Variants in KRT77 observed in about 807,000 individuals in gnomAD.
KRT77 encodes the protein keratin, type II cytoskeletal 1b.
In KRT77, 44 loss-of-function variants were observed where a neutral mutation model predicts 51.5. The observed-to-expected ratio is 0.85, with a 90% CI of 0.67 to 1.10. The LOEUF is 1.10. KRT77 is among the 50% of genes least tolerant of loss of function. The pLI is 0.00. For missense variants in KRT77, 763 were observed against 743.9 expected (o/e 1.03, Z -0.30); for synonymous variants, 293 against 302.0 (o/e 0.97, Z 0.31).
chr12:52,700,972 G>A lies in KRT77; in HGVS notation c.543+1920C>T, dbSNP rs150355053. On this transcript the variant is annotated intron_variant, in intron 1 of 8. Transcript: ENST00000341809. ...TAGAAGCCTTCTTCCTTCCAGCCAG[G>A]CCACAGCCCACCTGGCTGAGAAGCC... 2.1e-4 allele frequency among the ~76,000 whole-genome samples: 32 copies of A among 152,306 alleles called. No individual in the cohort carries two copies. The East Asian group carries it at 5.8e-3, about 28-fold the overall frequency.
chr12:52,703,286 C>T lies in KRT77; in HGVS notation c.149G>A (p.Gly50Glu), dbSNP rs780448859. The change falls in exon 1 of 9, where the codon GGG (glycine) becomes GAG (glutamate). Residue 50 changes from glycine (G) to glutamate (E), a missense_variant. Coordinates refer to ENST00000341809, the MANE Select transcript of KRT77 (RefSeq NM_175078.3). ...AGAGCCAAACCCCCTTCCATGGATC[C>T]CATATCCACCACCACCACACCTCCC... ...ARGRCGGGGY[G>E]IHGRGFGSRS... 1.2e-6 allele frequency: 2 copies of T among 1,614,026 alleles called. No homozygotes were observed. The highest frequency in any genetic ancestry group is 2.2e-5 in the South Asian group (2 of 91,048).
At chr12:52,701,353 G>A (rs902445699) in intron 1 of KRT77, among the ~76,000 whole-genome samples, 5 of 152,274 alleles carry the variant, frequency 3.3e-5, no homozygotes, top group Admixed American at 2.6e-4. Flanking sequence ...GCTCCTCTTC[G>A]GCAGCCTCTG....
chr12:52,694,812 C>A (rs778282857), intron 4 of KRT77, 22 bp from the exon 5 acceptor site: 2 of 1,579,710 alleles, frequency 1.3e-6, no homozygotes, highest in Admixed American at 1.7e-5. Flanking sequence ...GGCGCACAGG[C>A]TGACTCCTTC....
intron 1 of KRT77, among the ~76,000 whole-genome samples, chr12:52,699,527 C>T (rs1233920299): frequency 6.6e-6 from 1 of 152,228 alleles, no homozygotes; most frequent in Non-Finnish European, 1.5e-5. Flanking sequence ...GTCCCACCAG[C>T]AAAACTCAAG....
Position 52,703,460 on chromosome 12 carries a change from G to T in KRT77, c.-26C>A, listed in dbSNP as rs1161178784. ...GTTTGCTGGAGCATCCAGAGAAGCA[G>T]GCAAGAGAAAGAGCCTGGCAGGAAG... On this transcript the variant is annotated 5_prime_UTR_variant, in exon 1 of 9. In the 5' UTR this introduces an upstream ATG that the reference lacks. Coordinates refer to ENST00000341809, the MANE Select transcript of KRT77 (RefSeq NM_175078.3). 6.5e-7 allele frequency: 1 copy of T among 1,540,572 alleles called. No homozygotes were observed. Among genetic ancestry groups the T allele is most frequent in the Non-Finnish European group, 8.7e-7 (1 of 1,143,024 alleles).
At chr12:52,691,866 G>T in intron 8 of KRT77, 72 bp downstream of exon 8, 1 of 1,580,246 alleles carries the variant, frequency 6.3e-7, no homozygotes, top group Non-Finnish European at 8.7e-7. Context: ...TCCGTTCTCT[G>T]CTGGCCACCT....
At position 52,703,222 on chromosome 12, in the gene KRT77, G is replaced by A; in HGVS notation, c.213C>T (p.Ser71=). Residue 71 remains serine, a synonymous_variant, in exon 1 of 9, where the codon TCC becomes TCT. Transcript: ENST00000341809. The part of the protein sequence containing the change: ...LYNLGGSRSI[S]INLMGRSTSG... ...TGGTGCTCCTCCCCATTAGATTAATGGAGATGCTTCTACTGCCACCCAGAT... is the reference window on the plus strand; with the variant it reads ...TGGTGCTCCTCCCCATTAGATTAATAGAGATGCTTCTACTGCCACCCAGAT... 6.2e-7 allele frequency: 1 copy of A among 1,611,310 alleles called. No homozygotes were observed. The highest frequency in any genetic ancestry group is 8.5e-7 in the Non-Finnish European group (1 of 1,179,508).
At position 52,703,057 on chromosome 12, in the gene KRT77, GC is replaced by G. The variant is rs758033935; in HGVS notation, c.377del (p.Gly126AlafsTer14). 1 of 1,613,788 alleles carries G rather than the reference GC, an allele frequency of 6.2e-7. No homozygotes were observed. The highest frequency in any genetic ancestry group is 2.2e-5 in the East Asian group (1 of 44,850). Reference protein sequence around the residue: ...GFGTSNFGLGGFGPYCPPGGI... With the variant: ...GFGTSNFGLGXFGPYCPPGGI... The stretch of plus-strand genomic sequence containing the variant: ...CCCCAGGAGGACAATAAGGACCAAA[GC>G]CCCCAAGCCCAAAATTGCTAGTCCC... On this transcript the variant is annotated frameshift_variant, in exon 1 of 9. Transcript: ENST00000341809. LOFTEE classifies it high-confidence loss of function.
chr12:52,695,681 T>G, intron 4 of KRT77, 91 bp downstream of exon 4: 1 of 651,084 alleles, frequency 1.5e-6, no homozygotes, highest in Non-Finnish European at 2.4e-6. Context: ...AGTGGGACCC[T>G]AGTGTTGGGT....
In KRT77 at chr12:52,692,643, T is replaced by G. The variant is rs774962330; in HGVS notation, c.1207-2A>C. 3.1e-5 allele frequency: 49 copies of G among 1,563,994 alleles called. 3 individuals carry two copies. The highest frequency in any genetic ancestry group is 4.1e-5 in the Non-Finnish European group (47 of 1,141,372). ...AATGAGTGACTGCATCTGTTCAATC[T>G]GCTCCAGAGACAGTTGGAGACCATT... On this transcript the variant is annotated splice_acceptor_variant, in intron 6 of 8. Coordinates refer to ENST00000341809, the MANE Select transcript of KRT77 (RefSeq NM_175078.3). LOFTEE classifies it high-confidence loss of function.
intron 1 of KRT77, among the ~76,000 whole-genome samples, chr12:52,700,338 G>C (rs1941868675): frequency 6.6e-6 from 1 of 152,208 alleles, no homozygotes; most frequent in South Asian, 2.1e-4. Context: ...CAGTGCCTCA[G>C]ATGGCTGCAG....
At chr12:52,693,114 G>T (rs1941741915) in intron 5 of KRT77, among the ~76,000 whole-genome samples, 1 of 150,634 alleles carries the variant, frequency 6.6e-6, no homozygotes, top group Admixed American at 6.6e-5. Flanking sequence ...CAGTCTCTGG[G>T]CAGACTCTCA....
rs1391062930 is a variant in KRT77 at position 52,692,598 on chromosome 12, CCT to C, written c.1248_1249del (p.Gly417ArgfsTer31). On this transcript the variant is annotated frameshift_variant, in exon 7 of 9. Transcript: ENST00000341809. LOFTEE classifies it high-confidence loss of function. Reference sequence around the variant, plus strand: ...CCACGCATCCTGGAGGGCCTGCTCGCCTCTCTCCTCAGCATCCGAAATGAGTG... The same window carrying C: ...CCACGCATCCTGGAGGGCCTGCTCGCCTCTCCTCAGCATCCGAAATGAGTG... The C allele has an allele frequency of 6.5e-7, 1 of 1,537,452 alleles. No individual in the cohort carries two copies. Among genetic ancestry groups the C allele is most frequent in the East Asian group, 2.2e-5 (1 of 44,838 alleles).
At chr12:52,697,982 A>G in intron 1 of KRT77, 86 bp from the exon 2 acceptor site, 2 of 1,443,128 alleles carry the variant, frequency 1.4e-6, no homozygotes, top group South Asian at 2.3e-5. Flanking sequence ...CCCTCAACAC[A>G]TCCAGACCTC....
At chr12:52,699,653 G>C (rs570418625) in intron 1 of KRT77, among the ~76,000 whole-genome samples, 1 of 152,298 alleles carries the variant, frequency 6.6e-6, no homozygotes, top group East Asian at 1.9e-4. Flanking sequence ...CAGCACCCCA[G>C]GTCTCCTCAA....
intron 3 of KRT77, 25 bp from the exon 4 acceptor site, chr12:52,695,892 G>A: frequency 6.8e-7 from 1 of 1,469,528 alleles, no homozygotes; most frequent in South Asian, 1.1e-5. Flanking sequence ...GAAACAGTTT[G>A]ACTTTATTGC....
rs1307786282 is a variant in KRT77 at position 52,692,475 on chromosome 12, G to C, written c.1373C>G (p.Ser458Cys). 2.5e-6 allele frequency: 4 copies of C among 1,613,910 alleles called. No individual in the cohort carries two copies. In the African/African-American group the frequency reaches 5.3e-5, roughly 22 times the overall value. The change falls in exon 7 of 9, where the codon TCC becomes TGC. Residue 458 changes from serine to cysteine, a missense_variant. By Grantham distance (112) the Ser-to-Cys change is moderately radical. Coordinates refer to ENST00000341809, the MANE Select transcript of KRT77 (RefSeq NM_175078.3). ...DYQAMLGVKL[S>C]LDVEIATYRQ... ...GTAGGTGGCGATCTCCACATCCAGGGACAGCTTGACCCCCAGCATGGCCTG... is the reference window on the plus strand; with the variant it reads ...GTAGGTGGCGATCTCCACATCCAGGCACAGCTTGACCCCCAGCATGGCCTG...
chr12:52,701,428 A>G lies in KRT77; in HGVS notation c.543+1464T>C, dbSNP rs113117415. 2.2e-3 allele frequency among the ~76,000 whole-genome samples: 328 copies of G among 152,222 alleles called. 1 individual carries two copies. The highest frequency in any genetic ancestry group is 5.8e-3 in the Admixed American group (89 of 15,294). On this transcript the variant is annotated intron_variant, in intron 1 of 8. Transcript: ENST00000341809. ...TGTCCCATCCCCAGCATCTGCTCAG[A>G]TATCAGAGGCCTGCCCTGCCACCCA...
intron 3 of KRT77, 72 bp from the exon 4 acceptor site, chr12:52,695,939 A>G: frequency 1.0e-6 from 1 of 965,404 alleles, no homozygotes; most frequent in South Asian, 1.3e-5. Context: ...TGGCTGGCTC[A>G]GGCGAGTGGC....
Sources: allele counts gnomAD v4.1 joint callset (sites outside exome capture counted in the v4.1 genomes callset), GRCh38; gene constraint gnomAD v4.1.1; transcripts MANE v1.5; gene names NCBI Gene and HGNC (gene_info 2026-07-23, HGNC 2026-07-21).